HS6ST3: variants seen among roughly 807,000 people sequenced by gnomAD.
The protein encoded by HS6ST3 is heparan sulfate 6-O-sulfotransferase 3, also known as heparan-sulfate 6-O-sulfotransferase 3.
A neutral mutation model predicts 36.7 loss-of-function variants in HS6ST3; 12 were observed. The observed-to-expected ratio is 0.33, with a 90% confidence interval of 0.21 to 0.53. HS6ST3 has a LOEUF of 0.53. HS6ST3 is among the 20% of genes least tolerant of loss of function. The pLI, the probability that HS6ST3 is intolerant of heterozygous loss-of-function variation, is 0.95. For missense variants in HS6ST3, 584 were observed against 640.9 expected (o/e 0.91, Z 0.96); for synonymous variants, 240 against 257.5 (o/e 0.93, Z 0.65).
At chr13:96,572,921 C>G (rs754247036) in intron 1 of HS6ST3, among the ~76,000 whole-genome samples, 2 of 152,162 alleles carry the variant, frequency 1.3e-5, no homozygotes, top group Admixed American at 6.5e-5. Flanking sequence ...TGAATAATCC[C>G]CAAATCATTC....
intron 1 of HS6ST3, among the ~76,000 whole-genome samples, chr13:96,462,683 G>T (rs1327916): frequency 2.6e-5 from 4 of 152,052 alleles, no homozygotes; most frequent in African/African-American, 7.2e-5. Flanking sequence ...TTGTTTAAAG[G>T]TTATCAATGA....
chr13:96,335,226 A>T (rs1261228093), intron 1 of HS6ST3, among the ~76,000 whole-genome samples: 1 of 152,226 alleles, frequency 6.6e-6, no homozygotes, highest in Non-Finnish European at 1.5e-5. Context: ...GAGAAGGTAG[A>T]AACGACATCC....
chr13:96,225,785 A>G (rs1283770949), intron 1 of HS6ST3, among the ~76,000 whole-genome samples: 1 of 152,168 alleles, frequency 6.6e-6, no homozygotes, highest in East Asian at 1.9e-4. Flanking sequence ...ACTAAAATTG[A>G]TGAAAGTTAA....
At chr13:96,425,757 G>A (rs1258177986) in intron 1 of HS6ST3, among the ~76,000 whole-genome samples, 3 of 152,042 alleles carry the variant, frequency 2.0e-5, no homozygotes, top group Non-Finnish European at 2.9e-5. Flanking sequence ...CAGCTGAATT[G>A]CAGGTACAAT....
intron 1 of HS6ST3, among the ~76,000 whole-genome samples, chr13:96,158,503 A>T (rs79777898): frequency 6.6e-6 from 1 of 151,914 alleles, no homozygotes; most frequent in East Asian, 1.9e-4. Context: ...TACAAAAAAA[A>T]TTAGCCGGGC....
At chr13:96,424,973 A>G (rs2055579423) in intron 1 of HS6ST3, among the ~76,000 whole-genome samples, 1 of 152,164 alleles carries the variant, frequency 6.6e-6, no homozygotes, top group African/African-American at 2.4e-5. Flanking sequence ...ATTATTGTGG[A>G]TGAATATTGT....
Position 96,828,136 on chromosome 13 carries a change from T to C in HS6ST3, c.708-4354T>C, listed in dbSNP as rs922433804. ...GACAACAGTCATGGAAAATGGTGAT[T>C]GGCAAAAGCAAGAGCTCAGACTGTT... On this transcript the variant is annotated intron_variant, in intron 1 of 1. Coordinates refer to ENST00000376705, the MANE Select transcript of HS6ST3 (RefSeq NM_153456.4). Among the ~76,000 whole-genome samples the C allele has an allele frequency of 2.0e-5, 3 of 152,192 alleles. No individual in the cohort carries two copies. The East Asian group carries it at 5.8e-4, about 29-fold the overall frequency.
At chr13:96,629,931 CTT>C (rs1322033978) in intron 1 of HS6ST3, among the ~76,000 whole-genome samples, 2 of 151,732 alleles carry the variant, frequency 1.3e-5, no homozygotes, top group Admixed American at 6.6e-5. Flanking sequence ...CTTTTTCACT[CTT>C]TTCTATTTTC....
At chr13:96,113,354 C>A (rs2053879584) in intron 1 of HS6ST3, among the ~76,000 whole-genome samples, 1 of 152,000 alleles carries the variant, frequency 6.6e-6, no homozygotes, top group South Asian at 2.1e-4. Flanking sequence ...GAAAGCACAC[C>A]CCTGCCCCCC....
intron 1 of HS6ST3, among the ~76,000 whole-genome samples, chr13:96,275,818 T>C (rs555403883): frequency 6.6e-6 from 1 of 151,848 alleles, no homozygotes; most frequent in Non-Finnish European, 1.5e-5. Context: ...AATTAAATAA[T>C]CCAAATGCCA....
At chr13:96,563,041 C>CAAAA (rs34175542) in intron 1 of HS6ST3, among the ~76,000 whole-genome samples, 2 of 79,408 alleles carry the variant, frequency 2.5e-5, no homozygotes, top group Admixed American at 1.4e-4. Flanking sequence ...GCAGAAATAG[C>CAAAA]AAAAAAAAAA....
chr13:96,771,876 A>T (rs1054281008), intron 1 of HS6ST3, among the ~76,000 whole-genome samples: 1 of 152,248 alleles, frequency 6.6e-6, no homozygotes, highest in African/African-American at 2.4e-5. Flanking sequence ...CAAGGAGGTC[A>T]TCTTCCCCCA....
At chr13:96,772,725 G>A (rs1877293629) in intron 1 of HS6ST3, among the ~76,000 whole-genome samples, 1 of 152,320 alleles carries the variant, frequency 6.6e-6, no homozygotes, top group South Asian at 2.1e-4. Flanking sequence ...CCTTCAATAA[G>A]AAGAACATTT....
At chr13:96,325,813 G>A (rs996738431) in intron 1 of HS6ST3, among the ~76,000 whole-genome samples, 2 of 152,198 alleles carry the variant, frequency 1.3e-5, no homozygotes, top group Admixed American at 6.5e-5. Context: ...TTAAGATATT[G>A]TGAAATCCAC....
chr13:96,098,065 G>GCTTATTGGACTTATTGGA (rs1399448509), intron 1 of HS6ST3, among the ~76,000 whole-genome samples: 1 of 152,206 alleles, frequency 6.6e-6, no homozygotes, highest in African/African-American at 2.4e-5. Context: ...GGAGACCAGA[G>GCTTATTGGACTTATTGGA]CTTATTGGAC....
chr13:96,462,632 A>G (rs2055790483), intron 1 of HS6ST3, among the ~76,000 whole-genome samples: 1 of 152,200 alleles, frequency 6.6e-6, no homozygotes, highest in Non-Finnish European at 1.5e-5. Context: ...ATGCAATGTG[A>G]CAAACAAAAA....
chr13:96,569,893 A>C (rs2056295086), intron 1 of HS6ST3, among the ~76,000 whole-genome samples: 1 of 152,198 alleles, frequency 6.6e-6, no homozygotes, highest in African/African-American at 2.4e-5. Flanking sequence ...GTTGTCAAAA[A>C]GAGTATTAAA....
chr13:96,279,860 T>C (rs1174817007), intron 1 of HS6ST3, among the ~76,000 whole-genome samples: 1 of 152,214 alleles, frequency 6.6e-6, no homozygotes, highest in Admixed American at 6.5e-5. Context: ...AGGTTTCTTC[T>C]CAGTGTCACC....
At chr13:96,395,223 T>C (rs937421021) in intron 1 of HS6ST3, among the ~76,000 whole-genome samples, 4 of 152,210 alleles carry the variant, frequency 2.6e-5, no homozygotes, top group African/African-American at 7.2e-5. Flanking sequence ...TTTATAGTAC[T>C]ACTAGAGAAT....
Sources: gnomAD v4.1 joint callset for allele counts (sites outside exome capture counted in the v4.1 genomes callset) on GRCh38, gnomAD v4.1.1 for gene constraint, MANE v1.5 for transcripts, NCBI Gene and HGNC (gene_info 2026-07-23, HGNC 2026-07-21) for gene names.